The following ST3GAL6 variants were observed in gnomAD, a reference collection of about 807,000 sequenced individuals.
The protein encoded by ST3GAL6 is type 2 lactosamine alpha-2,3-sialyltransferase.
Under a neutral mutation model 40.5 loss-of-function variants are expected in ST3GAL6, and 31 were observed. The observed-to-expected ratio is 0.77, with a 90% CI of 0.58 to 1.03. ST3GAL6 has a LOEUF of 1.03. Among genes scored for constraint, ST3GAL6 ranks in the 50% least tolerant of loss-of-function variants. ST3GAL6 has a pLI of 0.00. For missense variants in ST3GAL6, 357 were observed against 393.2 expected, an observed-to-expected ratio of 0.91 and a Z score of 0.78; for synonymous variants, 129 against 136.9, an observed-to-expected ratio of 0.94 and a Z score of 0.40.
intron 5 of ST3GAL6, among the ~76,000 whole-genome samples, chr3:98,779,460 G>A (rs1939864403): frequency 6.6e-6 from 1 of 152,204 alleles, no homozygotes; most frequent in Non-Finnish European, 1.5e-5. Context: ...TGAAGGTAGA[G>A]TCATGTATTT....
At chr3:98,756,526 T>C in intron 1 of ST3GAL6, 1 of 1,264,438 alleles carries the variant, frequency 7.9e-7, no homozygotes, top group Non-Finnish European at 1.0e-6. Context: ...AGGACACAGA[T>C]TCTTAAAAGT....
At chr3:98,739,179 C>G (rs541137201) in intron 1 of ST3GAL6, among the ~76,000 whole-genome samples, 4 of 152,258 alleles carry the variant, frequency 2.6e-5, no homozygotes, top group African/African-American at 9.6e-5. Context: ...TACCAGATCT[C>G]TGGGACACAG....
intron 1 of ST3GAL6, among the ~76,000 whole-genome samples, chr3:98,738,401 G>T (rs1935759334): frequency 6.6e-6 from 1 of 151,882 alleles, no homozygotes; most frequent in African/African-American, 2.4e-5. Context: ...AGCCTCCTAG[G>T]TAGCTGGGAC....
At chr3:98,742,119 A>C (rs1356129482) in intron 1 of ST3GAL6, among the ~76,000 whole-genome samples, 1 of 152,200 alleles carries the variant, frequency 6.6e-6, no homozygotes, top group African/African-American at 2.4e-5. Flanking sequence ...ATACATTTTC[A>C]TCAATATTTG....
intron 5 of ST3GAL6, among the ~76,000 whole-genome samples, chr3:98,774,519 C>A (rs890405373): frequency 1.3e-5 from 2 of 152,192 alleles, no homozygotes; most frequent in Admixed American, 6.5e-5. Flanking sequence ...CATTAAATAA[C>A]CCCATATAAA....
At chr3:98,791,818 GT>G (rs1285011731) in intron 8 of ST3GAL6, 22 bp from the exon 9 acceptor site, 4 of 1,591,320 alleles carry the variant, frequency 2.5e-6, no homozygotes, top group Non-Finnish European at 3.4e-6. Context: ...GCTTAAAAAA[GT>G]TTTTTTCATC....
chr3:98,748,995 A>T (rs759541464), intron 1 of ST3GAL6, among the ~76,000 whole-genome samples: 112 of 152,178 alleles, frequency 7.4e-4, no homozygotes, highest in Non-Finnish European at 3.8e-4. Context: ...GAACTTGATG[A>T]TTACTTGTGA....
chr3:98,737,741 A>G (rs1169614743), intron 1 of ST3GAL6, among the ~76,000 whole-genome samples: 1 of 152,192 alleles, frequency 6.6e-6, no homozygotes, highest in African/African-American at 2.4e-5. Flanking sequence ...ACCTCAGGAG[A>G]CCTATCTCAC....
chr3:98,733,347 C>G, intron 1 of ST3GAL6: 1 of 1,101,674 alleles, frequency 9.1e-7, no homozygotes, highest in Non-Finnish European at 1.1e-6. Flanking sequence ...CCGAGAGAAT[C>G]TGCTCTGGGA....
chr3:98,735,045 A>G (rs552657479), intron 1 of ST3GAL6, among the ~76,000 whole-genome samples: 10 of 152,306 alleles, frequency 6.6e-5, no homozygotes, highest in Middle Eastern at 3.4e-3. Context: ...GGTGATGCTT[A>G]TTGAGAAGGT....
In ST3GAL6 at chr3:98,768,430, G is replaced by A; in HGVS notation, c.-11G>A. The A allele has an allele frequency of 6.2e-7, 1 of 1,613,158 alleles. No individual in the cohort carries two copies. The highest frequency in any genetic ancestry group is 1.1e-5 in the South Asian group (1 of 91,046). On this transcript the variant is annotated splice_region_variant and 5_prime_UTR_variant, in exon 2 of 10. It adds an upstream start codon to the 5' untranslated region. Transcript: ENST00000483910. Reference sequence around the variant, plus strand: ...TTGGACTTCATTCCTTGTGTTTCAGGTGAGCCAGCCATGAGAGGGTATCTT... The same window carrying A: ...TTGGACTTCATTCCTTGTGTTTCAGATGAGCCAGCCATGAGAGGGTATCTT...
At chr3:98,733,260 C>T (rs1235159372) in intron 1 of ST3GAL6, 10 of 982,670 alleles carry the variant, frequency 1.0e-5, no homozygotes, top group Non-Finnish European at 1.2e-5. Flanking sequence ...GCCGAGAGGG[C>T]ACCCGGGGAT....
intron 1 of ST3GAL6, among the ~76,000 whole-genome samples, chr3:98,753,873 C>A (rs1275548646): frequency 6.6e-6 from 1 of 152,114 alleles, no homozygotes; most frequent in Admixed American, 6.5e-5. Context: ...ATAGTTTAAG[C>A]CAGTTATTGA....
chr3:98,734,057 A>G (rs1935308904), intron 1 of ST3GAL6, among the ~76,000 whole-genome samples: 1 of 152,194 alleles, frequency 6.6e-6, no homozygotes, highest in African/African-American at 2.4e-5. Context: ...TCTCGTGTCC[A>G]CGCTGACCTT....
intron 1 of ST3GAL6, among the ~76,000 whole-genome samples, chr3:98,743,033 A>T (rs1936248767): frequency 7.5e-6 from 1 of 133,638 alleles, no homozygotes; most frequent in Non-Finnish European, 1.5e-5. Context: ...TTCTGAGACA[A>T]GGTCTTGCTC....
At chr3:98,766,522 A>T (rs1938362709) in intron 1 of ST3GAL6, among the ~76,000 whole-genome samples, 1 of 148,570 alleles carries the variant, frequency 6.7e-6, no homozygotes, top group South Asian at 2.1e-4. Flanking sequence ...CTTGGGTTCA[A>T]GCAATTCTCT....
At position 98,791,957 on chromosome 3, in the gene ST3GAL6, C is replaced by G; in HGVS notation, c.873C>G (p.His291Gln). 6.2e-7 allele frequency: 1 copy of G among 1,613,830 alleles called. No individual in the cohort carries two copies. Among genetic ancestry groups the G allele is most frequent in the Non-Finnish European group, 8.5e-7 (1 of 1,179,810 alleles). The change falls in exon 9 of 10, where the codon CAC becomes CAG. Residue 291 changes from histidine (H) to glutamine (Q), a missense_variant. His to Gln is a conservative substitution (Grantham distance 24, BLOSUM62 0). Transcript: ENST00000483910. The stretch of plus-strand genomic sequence containing the variant: ...TTTCTGACCTCAAGAGTCCTTTGCA[C>G]TACTATGGGAATGCCACCATGTCTT... ...YNFSDLKSPL[H>Q]YYGNATMSLM...
intron 9 of ST3GAL6, among the ~76,000 whole-genome samples, 158 bp from the exon 10 acceptor site, chr3:98,793,517 G>A (rs1289114560): frequency 6.6e-6 from 1 of 151,920 alleles, no homozygotes; most frequent in Non-Finnish European, 1.5e-5. Context: ...AGCAAGGAAA[G>A]TAATTTAAAA....
upstream of ST3GAL6, chr3:98,762,540 T>A (rs548793883): frequency 5.9e-6 from 1 of 168,544 alleles, no homozygotes; most frequent in African/African-American, 2.4e-5. Flanking sequence ...TAGCAGAAAA[T>A]CCCATCAACC....
Sources: allele counts gnomAD v4.1 joint callset (sites outside exome capture counted in the v4.1 genomes callset), GRCh38; gene constraint gnomAD v4.1.1; transcripts MANE v1.5; gene names NCBI Gene and HGNC (gene_info 2026-07-23, HGNC 2026-07-21).